FBN1: variants seen among roughly 807,000 people sequenced by gnomAD.
FBN1 encodes the protein fibrillin-1.
Under a neutral mutation model 365.1 loss-of-function variants are expected in FBN1, and 29 were observed. The observed-to-expected ratio is 0.08, with a 90% CI of 0.06 to 0.11. The LOEUF (loss-of-function observed/expected upper bound fraction) is 0.11, where lower values mean the gene tolerates loss of function less well. Ranked by LOEUF, FBN1 falls within the 10% of genes least tolerant of loss-of-function variation. FBN1 has a pLI of 1.00. For missense variants in FBN1, 2,476 were observed against 3,703.2 expected (o/e 0.67, Z 8.60); for synonymous variants, 1,210 against 1,270.5 (o/e 0.95, Z 1.01).
At position 48,430,679 on chromosome 15, in the gene FBN1, C is replaced by A; in HGVS notation, c.6863G>T (p.Gly2288Val). The change falls in exon 56 of 66, where the codon GGC (glycine) becomes GTC (valine). Residue 2288 changes from glycine to valine, a missense_variant. Transcript: ENST00000316623. ...PGYQRRPDGE[G>V]CVDENECQTK... is the part of the protein sequence containing the mutation. ...CACAGGGATCCTCTTACCTACACAGCCTTCTCCATCAGGTCTCCGCTGATA... is the reference window on the plus strand; with the variant it reads ...CACAGGGATCCTCTTACCTACACAGACTTCTCCATCAGGTCTCCGCTGATA... 1 of 1,613,814 alleles carries A rather than the reference C, an allele frequency of 6.2e-7. No homozygotes were observed. The highest frequency in any genetic ancestry group is 8.5e-7 in the Non-Finnish European group (1 of 1,179,798).
intron 6 of FBN1, among the ~76,000 whole-genome samples, chr15:48,574,142 A>AT (rs1462396603): frequency 2.0e-5 from 3 of 152,232 alleles, no homozygotes; most frequent in Non-Finnish European, 2.9e-5. Flanking sequence ...GTACAATATT[A>AT]GACCCTAAAG....
chr15:48,520,691 A>G lies in FBN1; in HGVS notation c.1115T>C (p.Val372Ala). The G allele has an allele frequency of 6.2e-7, 1 of 1,614,084 alleles. No individual in the cohort carries two copies. The highest frequency in any genetic ancestry group is 1.7e-5 in the Admixed American group (1 of 60,016). The change falls in exon 10 of 66, where the codon GTC becomes GCC. Residue 372 changes from valine (V) to alanine (A), a missense_variant. By Grantham distance (64) the Val-to-Ala change is moderately conservative (BLOSUM62 0). Coordinates refer to ENST00000316623, the MANE Select transcript of FBN1 (RefSeq NM_000138.5). ...TCTGATGGGACACATCTCAGGGGCG[A>G]CAGTGACCCCTGGAGACCAGCATCG... ...AGRCWSPGVT[V>A]APEMCPIRAT... is the part of the protein sequence containing the mutation.
At chr15:48,540,209 T>C (rs2044047345) in intron 6 of FBN1, among the ~76,000 whole-genome samples, 1 of 152,210 alleles carries the variant, frequency 6.6e-6, no homozygotes, top group Non-Finnish European at 1.5e-5. Context: ...TTATTATGTA[T>C]TTTAATTCAA....
At chr15:48,597,377 C>T (rs938786609) in intron 5 of FBN1, among the ~76,000 whole-genome samples, 2 of 152,168 alleles carry the variant, frequency 1.3e-5, no homozygotes, top group Admixed American at 6.5e-5. Flanking sequence ...GATACTAAAG[C>T]CTGGCTATTT....
chr15:48,578,552 T>C (rs955783927), intron 6 of FBN1, among the ~76,000 whole-genome samples: 3 of 152,044 alleles, frequency 2.0e-5, no homozygotes, highest in African/African-American at 7.2e-5. Flanking sequence ...CTGGGTCAAA[T>C]GGTACTTCTA....
chr15:48,553,555 G>A (rs2044158631), intron 6 of FBN1, among the ~76,000 whole-genome samples: 1 of 152,222 alleles, frequency 6.6e-6, no homozygotes, highest in Admixed American at 6.5e-5. Flanking sequence ...TAAAAATGAA[G>A]TCGCAGCTTT....
In FBN1 at chr15:48,449,493, C is replaced by T. The variant is rs142807440; in HGVS notation, c.5546-600G>A. 9.2e-3 allele frequency among the ~76,000 whole-genome samples: 1,395 copies of T among 152,280 alleles called. 11 individuals carry two copies. The highest frequency in any genetic ancestry group is 0.013 in the Admixed American group (194 of 15,288). ...TGAACACTGTCTCTTTCTTTTTACTCTCATCCATTCAAAAGGAAGCCCTCT... is the reference window on the plus strand; with the variant it reads ...TGAACACTGTCTCTTTCTTTTTACTTTCATCCATTCAAAAGGAAGCCCTCT... On this transcript the variant is annotated intron_variant, in intron 45 of 65. Transcript: ENST00000316623.
chr15:48,411,573 C>G (rs2042864383), intron 65 of FBN1, among the ~76,000 whole-genome samples, 194 bp from the exon 66 acceptor site: 1 of 152,200 alleles, frequency 6.6e-6, no homozygotes, highest in African/African-American at 2.4e-5. Flanking sequence ...AAAATATTAA[C>G]TGATGTCAGG....
At chr15:48,478,495 C>G (rs2043440635) in intron 32 of FBN1, among the ~76,000 whole-genome samples, 1 of 152,112 alleles carries the variant, frequency 6.6e-6, no homozygotes, top group African/African-American at 2.4e-5. Context: ...TATTCATTAA[C>G]TAAGTAAGCA....
chr15:48,466,259 T>C (rs2043320903), intron 38 of FBN1, among the ~76,000 whole-genome samples: 1 of 152,248 alleles, frequency 6.6e-6, no homozygotes, highest in South Asian at 2.1e-4. Context: ...ATAATCTTAA[T>C]TGGCTTCTTT....
chr15:48,580,958 C>G (rs2044386916), intron 6 of FBN1, among the ~76,000 whole-genome samples: 1 of 152,128 alleles, frequency 6.6e-6, no homozygotes, highest in East Asian at 1.9e-4. Flanking sequence ...AGACAAGAGC[C>G]AAACACCAAC....
intron 65 of FBN1, 50 bp from the exon 66 acceptor site, chr15:48,411,429 A>G: frequency 6.4e-7 from 1 of 1,553,844 alleles, no homozygotes; most frequent in Non-Finnish European, 8.9e-7. Flanking sequence ...TATGCCACTT[A>G]GCTCTCATAT....
chr15:48,539,853 T>C (rs950805214), intron 6 of FBN1, among the ~76,000 whole-genome samples: 1 of 152,190 alleles, frequency 6.6e-6, no homozygotes, highest in South Asian at 2.1e-4. Context: ...TAGTTTTATA[T>C]AGTCAAGCTG....
At chr15:48,498,107 G>T (rs1041125676) in intron 18 of FBN1, among the ~76,000 whole-genome samples, 1 of 152,036 alleles carries the variant, frequency 6.6e-6, no homozygotes, top group Admixed American at 6.5e-5. Flanking sequence ...CAAGGCAGGT[G>T]CAGAATGACA....
rs371110611 is a variant in FBN1, at chr15:48,422,021, C to G, written c.7501G>C (p.Val2501Leu). ...CATGTGAAGCCGCCAATGGTGTTAA[C>G]ACATAGGAACTGGCAGTTGTGTTGC... ...TKQHNCQFLC[V>L]NTIGGFTCKC... is the part of the protein sequence containing the mutation. Residue 2501 changes from valine to leucine, a missense_variant, in exon 61 of 66, where the codon GTT becomes CTT. By Grantham distance (32) the Val-to-Leu change is conservative (BLOSUM62 1). Coordinates refer to ENST00000316623, the MANE Select transcript of FBN1 (RefSeq NM_000138.5). 4 of 1,613,946 alleles carry G rather than the reference C, an allele frequency of 2.5e-6. No individual in the cohort carries two copies. In the African/African-American group the frequency reaches 5.3e-5, roughly 22 times the overall value.
chr15:48,513,503 G>T (rs1208959523), intron 13 of FBN1, 46 bp downstream of exon 13: 4 of 1,613,558 alleles, frequency 2.5e-6, no homozygotes, highest in Non-Finnish European at 3.4e-6. Flanking sequence ...CCAACCCCCA[G>T]TTAGCATATA....
At chr15:48,438,603 A>C (rs372177409) in intron 50 of FBN1, among the ~76,000 whole-genome samples, 1 of 151,978 alleles carries the variant, frequency 6.6e-6, no homozygotes, top group South Asian at 2.1e-4. Flanking sequence ...TTTTTAAAAG[A>C]AGCTTGTTTA....
chr15:48,597,137 T>A (rs1322134274), intron 5 of FBN1, among the ~76,000 whole-genome samples: 3 of 152,182 alleles, frequency 2.0e-5, no homozygotes, highest in Non-Finnish European at 4.4e-5. Flanking sequence ...TACTGCTCCA[T>A]GAGGCTCCCC....
chr15:48,639,581 C>G (rs1432546697), intron 2 of FBN1, among the ~76,000 whole-genome samples: 2 of 152,190 alleles, frequency 1.3e-5, no homozygotes, highest in African/African-American at 2.4e-5. Flanking sequence ...AATGAACTTT[C>G]TGAAACCCCA....
Sources: allele counts gnomAD v4.1 joint callset (sites outside exome capture counted in the v4.1 genomes callset), GRCh38; gene constraint gnomAD v4.1.1; transcripts MANE v1.5; gene names NCBI Gene and HGNC (gene_info 2026-07-23, HGNC 2026-07-21).